C10orf90: variants seen among roughly 807,000 people sequenced by gnomAD.
The protein encoded by C10orf90 is chromosome 10 open reading frame 90, also known as (E2-independent) E3 ubiquitin-conjugating enzyme FATS.
C10orf90 carries 56 observed loss-of-function variants against 62.5 expected under a neutral mutation model. That is an observed-to-expected ratio of 0.90 (90% CI 0.72 to 1.12). The LOEUF is 1.12. Among genes scored for constraint, C10orf90 ranks in the 50% most tolerant of loss-of-function variants. The pLI is 0.00. For missense variants in C10orf90, 970 were observed against 880.4 expected (o/e 1.10, Z -1.29); for synonymous variants, 386 against 340.4 (o/e 1.13, Z -1.47).
At chr10:126,565,541 T>G (rs751789499) in intron 2 of C10orf90, among the ~76,000 whole-genome samples, 10 of 147,238 alleles carry the variant, frequency 6.8e-5, no homozygotes, top group Non-Finnish European at 1.3e-4. Flanking sequence ...TTTTTAAAAA[T>G]GCCCTTCATT....
chr10:126,493,263 GT>G (rs1203493628), intron 4 of C10orf90, among the ~76,000 whole-genome samples: 2 of 151,700 alleles, frequency 1.3e-5, no homozygotes, highest in Non-Finnish European at 2.9e-5. Flanking sequence ...CTACTGAAAT[GT>G]TAACCATGAT....
chr10:126,633,188 C>T (rs182558499), intron 2 of C10orf90, among the ~76,000 whole-genome samples: 1 of 152,316 alleles, frequency 6.6e-6, no homozygotes, highest in East Asian at 1.9e-4. Context: ...AGGCATTTTC[C>T]ATCCTCCCTC....
intron 2 of C10orf90, among the ~76,000 whole-genome samples, chr10:126,581,931 G>A (rs1844761042): frequency 6.6e-6 from 1 of 152,184 alleles, no homozygotes; most frequent in Non-Finnish European, 1.5e-5. Context: ...GTTGCAGAAG[G>A]ACAATGTGAT....
At chr10:126,473,190 G>C (rs904826421) in intron 4 of C10orf90, among the ~76,000 whole-genome samples, 2 of 152,040 alleles carry the variant, frequency 1.3e-5, no homozygotes, top group Non-Finnish European at 1.5e-5. Flanking sequence ...TAGATTAAAG[G>C]CTCCTACTCT....
chr10:126,579,905 C>T (rs1844710627), intron 2 of C10orf90, among the ~76,000 whole-genome samples: 1 of 152,128 alleles, frequency 6.6e-6, no homozygotes. Context: ...CGAGGGTTAG[C>T]ATTTGTTCGA....
intron 2 of C10orf90, among the ~76,000 whole-genome samples, chr10:126,537,480 A>G (rs1864267890): frequency 6.6e-6 from 1 of 152,206 alleles, no homozygotes; most frequent in Non-Finnish European, 1.5e-5. Flanking sequence ...GCCTGCAGCT[A>G]CCAAAGTAAA....
chr10:126,616,274 C>T (rs897720386), intron 2 of C10orf90, among the ~76,000 whole-genome samples: 1 of 152,250 alleles, frequency 6.6e-6, no homozygotes, highest in Non-Finnish European at 1.5e-5. Context: ...ATCTATGCTT[C>T]CCTCTCTGCA....
At chr10:126,602,376 A>G (rs1845214354) in intron 2 of C10orf90, among the ~76,000 whole-genome samples, 2 of 152,212 alleles carry the variant, frequency 1.3e-5, no homozygotes, top group Non-Finnish European at 2.9e-5. Context: ...GGAATATAAT[A>G]TCTCATGCCT....
intron 2 of C10orf90, among the ~76,000 whole-genome samples, chr10:126,562,155 A>G (rs1216942320): frequency 2.6e-5 from 4 of 152,166 alleles, no homozygotes; most frequent in African/African-American, 4.8e-5. Context: ...CAGAACCTCT[A>G]TGAGCATGGC....
chr10:126,440,879 G>T (rs1858271811), intron 7 of C10orf90, among the ~76,000 whole-genome samples: 1 of 152,160 alleles, frequency 6.6e-6, no homozygotes, highest in East Asian at 1.9e-4. Context: ...TGGGACAGAA[G>T]AATCTGAACA....
chr10:126,504,458 A>C lies in C10orf90; in HGVS notation c.1033T>G (p.Phe345Val), dbSNP rs770200926. The part of the protein sequence containing the change: ...TPLSGKSPLV[F>V]SSCVHLRVSQ... The stretch of plus-strand genomic sequence containing the variant: ...ACCCTGAGGTGGACACAGGAACTGA[A>C]CACCAGCGGGCTCTTTCCTGACAGT... Residue 345 changes from phenylalanine to valine, a missense_variant, in exon 4 of 10, where the codon TTC becomes GTC. Transcript: ENST00000488181. This position sits in a 1 kb window ranked among gnomAD's most constrained non-coding sequence, Gnocchi z 4.1. 9 of 1,614,094 alleles carry C rather than the reference A, an allele frequency of 5.6e-6. No individual in the cohort carries two copies. The highest frequency in any genetic ancestry group is 6.8e-6 in the Non-Finnish European group (8 of 1,180,048).
intron 3 of C10orf90, 119 bp from the exon 4 acceptor site, chr10:126,505,204 T>G: frequency 9.5e-7 from 1 of 1,053,824 alleles, no homozygotes; most frequent in Non-Finnish European, 1.3e-6. Flanking sequence ...AGATGTCTTG[T>G]CCAAGGCTTT....
chr10:126,468,105 C>A (rs750509480), intron 4 of C10orf90, among the ~76,000 whole-genome samples: 1 of 149,092 alleles, frequency 6.7e-6, no homozygotes, highest in Admixed American at 6.6e-5. Context: ...GACAGAGTCT[C>A]GTTCTGTCAC....
chr10:126,543,648 T>C (rs1004882396), intron 2 of C10orf90, among the ~76,000 whole-genome samples: 1 of 152,204 alleles, frequency 6.6e-6, no homozygotes, highest in Admixed American at 6.5e-5. Context: ...ACAGCTAATA[T>C]GCTTTTGCCT....
At chr10:126,643,747 A>C (rs1029159857) in intron 2 of C10orf90, among the ~76,000 whole-genome samples, 1 of 152,144 alleles carries the variant, frequency 6.6e-6, no homozygotes, top group Non-Finnish European at 1.5e-5. Flanking sequence ...TGGTCTCCAA[A>C]CCCAGAGTTT....
At chr10:126,526,023 A>AACACACAC (rs3040780) in intron 2 of C10orf90, among the ~76,000 whole-genome samples, 4,923 of 138,960 alleles carry the variant, frequency 0.035, 113 homozygotes, top group East Asian at 0.049. Context: ...CACCTGCCAC[A>AACACACAC]ACACACACAC....
intron 6 of C10orf90, among the ~76,000 whole-genome samples, chr10:126,459,433 G>A (rs867117838): frequency 3.3e-5 from 5 of 152,222 alleles, no homozygotes; most frequent in African/African-American, 1.2e-4. Context: ...CCTGGCCAGC[G>A]CCGAGGCCCC....
intron 2 of C10orf90, among the ~76,000 whole-genome samples, chr10:126,563,472 C>T (rs1174214144): frequency 6.6e-6 from 1 of 152,176 alleles, no homozygotes; most frequent in East Asian, 1.9e-4. Flanking sequence ...AGGGCTCTGA[C>T]CTCTGGAGCC....
chr10:126,524,008 T>C (rs888121841), intron 2 of C10orf90, among the ~76,000 whole-genome samples: 2 of 152,236 alleles, frequency 1.3e-5, no homozygotes, highest in African/African-American at 4.8e-5. Context: ...CTATTACAAA[T>C]AATGCTGCAA....
Sources: allele counts gnomAD v4.1 joint callset (sites outside exome capture counted in the v4.1 genomes callset), GRCh38; gene constraint gnomAD v4.1.1; non-coding constraint Gnocchi (gnomAD v3.1); transcripts MANE v1.5; gene names NCBI Gene and HGNC (gene_info 2026-07-23, HGNC 2026-07-21).